Variants in KLF12 observed in about 807,000 individuals in gnomAD.
KLF12 encodes the protein Krueppel-like factor 12.
Under a neutral mutation model 37.8 loss-of-function variants are expected in KLF12, and 9 were observed. That is an observed-to-expected ratio of 0.24 (90% confidence interval 0.14 to 0.42). The LOEUF is 0.42. KLF12 is among the 10% of genes least tolerant of loss of function. KLF12 has a pLI of 1.00. For synonymous variants in KLF12, 208 were observed against 202.1 expected (o/e 1.03, Z -0.25); for missense variants, 411 against 516.0 (o/e 0.80, Z 1.97).
At chr13:74,238,113 C>A in the KLF12 span, among the ~76,000 whole-genome samples, 1 of 134,110 alleles carries the variant, frequency 7.5e-6, no homozygotes, top group Non-Finnish European at 1.5e-5. Flanking sequence ...AAATATGTCC[C>A]ATCAATACCT....
intron 6 of KLF12, among the ~76,000 whole-genome samples, chr13:73,764,163 C>A (rs1879749222): frequency 6.6e-6 from 1 of 152,068 alleles, no homozygotes; most frequent in African/African-American, 2.4e-5. Flanking sequence ...AATGGAATTT[C>A]CATTCATCTT....
upstream of KLF12, among the ~76,000 whole-genome samples, chr13:74,138,676 A>G (rs1229961554): frequency 6.6e-6 from 1 of 152,116 alleles, no homozygotes; most frequent in African/African-American, 2.4e-5. Flanking sequence ...ACCTTCCTCC[A>G]GTCACTTTCA....
chr13:74,133,095 T>C (rs1372700844), intron 1 of KLF12, among the ~76,000 whole-genome samples: 3 of 152,208 alleles, frequency 2.0e-5, no homozygotes, highest in Non-Finnish European at 4.4e-5. Flanking sequence ...CCCTGGCTAC[T>C]TGCATGGACC....
the KLF12 span, among the ~76,000 whole-genome samples, chr13:74,242,163 G>A: frequency 6.6e-6 from 1 of 152,218 alleles, no homozygotes; most frequent in Non-Finnish European, 1.5e-5. Flanking sequence ...AAATTTTATA[G>A]AAGGTAGATT....
intron 5 of KLF12, among the ~76,000 whole-genome samples, chr13:73,775,259 T>G (rs748080795): frequency 2.0e-5 from 3 of 152,162 alleles, no homozygotes; most frequent in African/African-American, 7.2e-5. Context: ...AATTCCACCT[T>G]TATTTTCATG....
intron 5 of KLF12, among the ~76,000 whole-genome samples, chr13:73,773,537 T>C (rs1594074616): frequency 6.6e-6 from 1 of 152,054 alleles, no homozygotes; most frequent in Admixed American, 6.6e-5. Context: ...ACTCTTTCCA[T>C]ATCCACAAAC....
the KLF12 span, among the ~76,000 whole-genome samples, chr13:74,208,262 A>G: frequency 2.2e-4 from 34 of 152,320 alleles, no homozygotes; most frequent in South Asian, 4.8e-3. Context: ...TGTCTAACCT[A>G]TATCTTTGCA....
At chr13:74,028,385 T>G (rs1006892333) in intron 1 of KLF12, among the ~76,000 whole-genome samples, 1 of 152,180 alleles carries the variant, frequency 6.6e-6, no homozygotes, top group South Asian at 2.1e-4. Context: ...TTTTGCAATA[T>G]TAAGTTAAAA....
At chr13:74,150,174 A>G in the KLF12 span, among the ~76,000 whole-genome samples, 1 of 152,242 alleles carries the variant, frequency 6.6e-6, no homozygotes, top group East Asian at 1.9e-4. Context: ...CTAGTATAAT[A>G]TAGAAATACA....
At chr13:73,887,963 T>C (rs1490955316) in intron 3 of KLF12, among the ~76,000 whole-genome samples, 2 of 152,186 alleles carry the variant, frequency 1.3e-5, no homozygotes, top group Non-Finnish European at 2.9e-5. Flanking sequence ...AAAGAAACAC[T>C]GAATATTGAT....
intron 2 of KLF12, among the ~76,000 whole-genome samples, chr13:73,976,010 C>T (rs1345170915): frequency 6.6e-6 from 1 of 152,070 alleles, no homozygotes; most frequent in Non-Finnish European, 1.5e-5. Flanking sequence ...TACTAGTAAA[C>T]CCCATGCAGG....
intron 3 of KLF12, among the ~76,000 whole-genome samples, chr13:73,903,758 T>C (rs1234260301): frequency 1.3e-5 from 2 of 151,868 alleles, no homozygotes; most frequent in African/African-American, 2.4e-5. Flanking sequence ...AGGAGGCGAG[T>C]AGTGGGCCAG....
chr13:73,907,935 T>C (rs79215433), intron 3 of KLF12, among the ~76,000 whole-genome samples: 7,459 of 152,170 alleles, frequency 0.049, 431 homozygotes, highest in African/African-American at 0.14. Context: ...CACAATGCCT[T>C]TTTATTATTC....
the KLF12 span, among the ~76,000 whole-genome samples, chr13:74,150,350 C>A: frequency 2.0e-5 from 3 of 152,154 alleles, no homozygotes; most frequent in Non-Finnish European, 4.4e-5. Context: ...TCCAAGACCC[C>A]CAGTGGGTCC....
At chr13:74,088,525 G>A (rs1875459195) in intron 1 of KLF12, among the ~76,000 whole-genome samples, 1 of 152,114 alleles carries the variant, frequency 6.6e-6, no homozygotes, top group African/African-American at 2.4e-5. Context: ...ACCGTGCCGA[G>A]CCCTAGATCT....
chr13:74,082,703 C>T (rs916944883), intron 1 of KLF12, among the ~76,000 whole-genome samples: 1 of 152,118 alleles, frequency 6.6e-6, no homozygotes, highest in African/African-American at 2.4e-5. Flanking sequence ...GGGCAGGGAA[C>T]ATCCAAGGTT....
rs112076307 is a variant in KLF12 at position 73,799,246 on chromosome 13, G to C, written c.806+13906C>G. Among the ~76,000 whole-genome samples the C allele has an allele frequency of 3.3e-3, 495 of 152,130 alleles. 2 individuals are homozygous for C. Among genetic ancestry groups the C allele is most frequent in the African/African-American group, 0.012 (482 of 41,494 alleles). ...AACACAAAGAAGGAAGCAGACACTGGGGTCTACCTGAAGGTGATGAAAGGG... is the reference window on the plus strand; with the variant it reads ...AACACAAAGAAGGAAGCAGACACTGCGGTCTACCTGAAGGTGATGAAAGGG... On this transcript the variant is annotated intron_variant, in intron 5 of 7. Transcript: ENST00000377669.
At chr13:74,184,975 T>C in the KLF12 span, among the ~76,000 whole-genome samples, 1 of 152,212 alleles carries the variant, frequency 6.6e-6, no homozygotes, top group Non-Finnish European at 1.5e-5. Context: ...TTTTACACAG[T>C]GATTTGAGGC....
At chr13:73,963,941 TGAG>T (rs1566484804) in intron 2 of KLF12, among the ~76,000 whole-genome samples, 1 of 152,132 alleles carries the variant, frequency 6.6e-6, no homozygotes, top group Non-Finnish European at 1.5e-5. Context: ...CAATAACAGA[TGAG>T]AAGAAAACCT....
Sources: gnomAD v4.1 joint callset for allele counts (sites outside exome capture counted in the v4.1 genomes callset) on GRCh38, gnomAD v4.1.1 for gene constraint, MANE v1.5 for transcripts, NCBI Gene and HGNC (gene_info 2026-07-23, HGNC 2026-07-21) for gene names.